The following CEP120 variants were observed in gnomAD, a reference collection of about 807,000 sequenced individuals.
The protein encoded by CEP120 is centrosomal protein of 120 kDa.
In CEP120, 113 loss-of-function variants were observed where a neutral mutation model predicts 126.5. The observed-to-expected ratio is 0.89, with a 90% confidence interval of 0.77 to 1.04. CEP120 has a LOEUF of 1.04. Ranked by LOEUF, CEP120 falls within the 50% of genes least tolerant of loss-of-function variation. The pLI, the probability that CEP120 is intolerant of heterozygous loss-of-function variation, is 0.00. For missense variants in CEP120, 1,230 were observed against 1,155.7 expected (o/e 1.06, Z -0.93); for synonymous variants, 400 against 394.3 (o/e 1.01, Z -0.17).
At chr5:123,402,604 G>T (rs944494554) in intron 4 of CEP120, among the ~76,000 whole-genome samples, 3 of 152,096 alleles carry the variant, frequency 2.0e-5, no homozygotes, top group Non-Finnish European at 4.4e-5. Flanking sequence ...GTAGAGAAGG[G>T]GTTTCACCAT....
In CEP120 at chr5:123,365,822, T is replaced by G. The variant is rs150101718; in HGVS notation, c.2482-1228A>C. On this transcript the variant is annotated intron_variant, in intron 17 of 19. Coordinates refer to ENST00000306467, the MANE Select transcript of CEP120 (RefSeq NM_001375405.1). ...GGGATAAGAGGATAGTATTCAATTA[T>G]ACAAGCAATCATGTCCATGGGTCTT... is the stretch of plus-strand genomic sequence containing the variant. Among the ~76,000 whole-genome samples, 1,174 of 151,540 alleles carry G rather than the reference T, an allele frequency of 7.7e-3. 8 individuals carry two copies. Among genetic ancestry groups the G allele is most frequent in the Non-Finnish European group, 0.01 (703 of 67,708 alleles).
chr5:123,394,266 C>G (rs1054820084), intron 5 of CEP120, among the ~76,000 whole-genome samples: 5 of 152,164 alleles, frequency 3.3e-5, no homozygotes, highest in Non-Finnish European at 5.9e-5. Flanking sequence ...AGTCCCTAAC[C>G]ATTTTGGCAC....
chr5:123,368,220 T>G (rs1770608151), intron 17 of CEP120, among the ~76,000 whole-genome samples: 2 of 151,930 alleles, frequency 1.3e-5, no homozygotes, highest in South Asian at 4.1e-4. Flanking sequence ...TCAACCAGTC[T>G]GTATTCAGGG....
intron 1 of CEP120, among the ~76,000 whole-genome samples, chr5:123,418,878 C>T (rs1580748156): frequency 2.0e-5 from 3 of 152,140 alleles, no homozygotes; most frequent in Admixed American, 2.0e-4. Flanking sequence ...CCACCATGCC[C>T]AGCCTAGCAT....
chr5:123,376,980 A>G (rs1261878768), intron 16 of CEP120, among the ~76,000 whole-genome samples: 2 of 152,126 alleles, frequency 1.3e-5, no homozygotes, highest in Non-Finnish European at 2.9e-5. Flanking sequence ...ATACAAAAAC[A>G]AGGACAACAG....
chr5:123,375,335 T>A (rs535012168), intron 16 of CEP120, among the ~76,000 whole-genome samples: 1 of 152,176 alleles, frequency 6.6e-6, no homozygotes, highest in East Asian at 1.9e-4. Context: ...TTTTTCTTTT[T>A]TTTTTGAGAC....
At chr5:123,382,576 G>A (rs1479350185) in intron 13 of CEP120, among the ~76,000 whole-genome samples, 161 bp downstream of exon 13, 1 of 152,042 alleles carries the variant, frequency 6.6e-6, no homozygotes, top group East Asian at 1.9e-4. Flanking sequence ...CACATTTCAG[G>A]TATTTTTTGA....
chr5:123,388,991 G>T (rs1772209902), intron 8 of CEP120, among the ~76,000 whole-genome samples: 1 of 152,094 alleles, frequency 6.6e-6, no homozygotes, highest in Non-Finnish European at 1.5e-5. Context: ...CAGTAATTTT[G>T]GTTATTTTAG....
intron 4 of CEP120, chr5:123,401,119 T>C (rs1413835571): frequency 4.4e-6 from 7 of 1,601,188 alleles, no homozygotes; most frequent in Non-Finnish European, 4.3e-6. Context: ...TGAATACTCA[T>C]GTTCTGCATC....
chr5:123,354,154 G>A (rs1416123451), intron 18 of CEP120, among the ~76,000 whole-genome samples: 1 of 151,878 alleles, frequency 6.6e-6, no homozygotes, highest in Non-Finnish European at 1.5e-5. Context: ...ATTTTACTGT[G>A]GTCTCCAGTT....
intron 5 of CEP120, among the ~76,000 whole-genome samples, chr5:123,394,673 T>C (rs1381980503): frequency 6.6e-6 from 1 of 152,228 alleles, no homozygotes; most frequent in Non-Finnish European, 1.5e-5. Flanking sequence ...CCACTTAGAT[T>C]ACAATAGCAC....
intron 11 of CEP120, among the ~76,000 whole-genome samples, chr5:123,383,876 C>G (rs934758129): frequency 6.6e-6 from 1 of 152,054 alleles, no homozygotes; most frequent in Admixed American, 6.6e-5. Flanking sequence ...CAAATATACT[C>G]TGGTCAAACA....
intron 2 of CEP120, among the ~76,000 whole-genome samples, chr5:123,416,524 T>C (rs1483924424): frequency 6.6e-6 from 1 of 151,988 alleles, no homozygotes; most frequent in Non-Finnish European, 1.5e-5. Flanking sequence ...TGAGCCGAGA[T>C]CGCGCCACTA....
intron 16 of CEP120, among the ~76,000 whole-genome samples, chr5:123,376,332 T>C (rs1267880975): frequency 1.3e-5 from 2 of 151,966 alleles, no homozygotes; most frequent in Non-Finnish European, 2.9e-5. Context: ...AACATGAAGA[T>C]CCTGTGGTTG....
rs368831838 is a variant in CEP120 at position 123,423,035 on chromosome 5, G to C, written c.-37C>G. 184 of 1,579,106 alleles carry C rather than the reference G, an allele frequency of 1.2e-4. No individual in the cohort carries two copies. Among genetic ancestry groups the C allele is most frequent in the Non-Finnish European group, 1.4e-4 (164 of 1,148,904 alleles). ...GCGGTCCGGGGGCGAAGGCGGCTGG[G>C]GGGAAGTGAGGTCCAGTTGAGTCGC... On this transcript the variant is annotated 5_prime_UTR_variant, in exon 1 of 20. Coordinates refer to ENST00000306467, the MANE Select transcript of CEP120 (RefSeq NM_001375405.1).
intron 18 of CEP120, 108 bp from the exon 19 acceptor site, chr5:123,350,197 C>A: frequency 1.1e-6 from 1 of 941,088 alleles, no homozygotes; most frequent in South Asian, 1.8e-5. Context: ...ATGATATAGC[C>A]ACACACTGCC....
In CEP120 at chr5:123,423,204, T is replaced by C. The variant is rs988276779; in HGVS notation, c.-206A>G. 2.7e-5 allele frequency: 16 copies of C among 583,676 alleles called. No individual in the cohort carries two copies. Among genetic ancestry groups the C allele is most frequent in the African/African-American group, 2.6e-4 (14 of 52,936 alleles). The allele number at this position is 583,676 out of a possible 1,614,324, so 36.2% of individuals were successfully genotyped here. On this transcript the variant is annotated 5_prime_UTR_variant, in exon 1 of 20. Coordinates refer to ENST00000306467, the MANE Select transcript of CEP120 (RefSeq NM_001375405.1). ...TCGGGCCGCCAGCCCAGATCCTAAC[T>C]GTGCCCCGACTCAAGGAAAAAGCCA...
rs1381206938 is a variant in CEP120 at position 123,412,455 on chromosome 5, G to T, written c.407C>A (p.Thr136Lys). 1 of 1,611,598 alleles carries T rather than the reference G, an allele frequency of 6.2e-7. No homozygotes were observed. Among genetic ancestry groups the T allele is most frequent in the African/African-American group, 1.3e-5 (1 of 74,902 alleles). The change falls in exon 4 of 20, where the codon ACA (threonine) becomes AAA (lysine). Residue 136 changes from threonine (T) to lysine (K), a missense_variant. Physicochemically the swap from Thr to Lys is moderately conservative, Grantham distance 78 (BLOSUM62 -1). Transcript: ENST00000306467. ...TTTAAAGCTATCCACTGGTGGCTTT[G>T]TATCGGTTTCCAAAGCAATACTTAT... ...IQISIALETD[T>K]KPPVDSFKAK...
chr5:123,404,664 C>T (rs1402183435), intron 4 of CEP120, among the ~76,000 whole-genome samples: 3 of 152,126 alleles, frequency 2.0e-5, no homozygotes, highest in Non-Finnish European at 4.4e-5. Flanking sequence ...AAAGGTAATT[C>T]TCAACTCAGA....
Sources: allele counts gnomAD v4.1 joint callset (sites outside exome capture counted in the v4.1 genomes callset), GRCh38; gene constraint gnomAD v4.1.1; transcripts MANE v1.5; gene names NCBI Gene and HGNC (gene_info 2026-07-23, HGNC 2026-07-21).